The following ECPAS variants were observed in gnomAD, a reference collection of about 807,000 sequenced individuals.
The protein encoded by ECPAS is proteasome adapter and scaffold protein ECM29.
ECPAS carries 70 observed loss-of-function variants against 255.1 expected under a neutral mutation model. That is an observed-to-expected ratio of 0.27 (90% CI 0.23 to 0.33). The LOEUF is 0.33. Ranked by LOEUF, ECPAS falls within the 10% of genes least tolerant of loss-of-function variation. The pLI is 1.00. For synonymous variants in ECPAS, 784 were observed against 775.0 expected, an observed-to-expected ratio of 1.01 and a Z score of -0.19; for missense variants, 1,817 against 2,206.4, an observed-to-expected ratio of 0.82 and a Z score of 3.54.
Position 111,411,073 on chromosome 9 carries a change from T to G in ECPAS, c.2284A>C (p.Lys762Gln). The G allele has an allele frequency of 6.2e-7, 1 of 1,613,962 alleles. No homozygotes were observed. The highest frequency in any genetic ancestry group is 8.5e-7 in the Non-Finnish European group (1 of 1,179,860). Reference sequence around the variant, plus strand: ...TCTTGTTGCTCTGACATTCTCATTTTCTTTTTAGCCAAATACCTTCCCACC... The same window carrying G: ...TCTTGTTGCTCTGACATTCTCATTTGCTTTTTAGCCAAATACCTTCCCACC... ...FTVGRYLAKK[K>Q]MRMSEQQDLE... Residue 762 changes from lysine (K) to glutamine (Q), a missense_variant, in exon 22 of 50, where the codon AAA becomes CAA. Coordinates refer to ENST00000684092, the MANE Select transcript of ECPAS (RefSeq NM_001364929.1).
Position 111,378,564 on chromosome 9 carries a change from T to C in ECPAS, c.3954+16A>G. The C allele has an allele frequency of 1.2e-6, 2 of 1,608,942 alleles. No homozygotes were observed. The highest frequency in any genetic ancestry group is 1.7e-6 in the Non-Finnish European group (2 of 1,177,040). ...CCCTCATGATACTTACCAATATGCC[T>C]GCGCTATCCACTCACCTTTTCTTGC... On this transcript the variant is annotated intron_variant, in intron 36 of 49. Transcript: ENST00000684092.
intron 7 of ECPAS, among the ~76,000 whole-genome samples, chr9:111,434,895 GCTT>G (rs2098235573): frequency 1.9e-5 from 1 of 52,208 alleles, no homozygotes; most frequent in Admixed American, 1.6e-4. Flanking sequence ...ACCACATCTG[GCTT>G]TTTTTTTTTT....
intron 13 of ECPAS, among the ~76,000 whole-genome samples, chr9:111,422,582 G>A (rs978243130): frequency 2.6e-5 from 4 of 152,130 alleles, no homozygotes; most frequent in Non-Finnish European, 5.9e-5. Context: ...CTGATCTGGG[G>A]TGGCTTTCTT....
In ECPAS at chr9:111,373,316, C is replaced by T. The variant is rs947043667; in HGVS notation, c.4268G>A (p.Arg1423Gln). The T allele has an allele frequency of 1.9e-5, 31 of 1,613,294 alleles. No homozygotes were observed. Among genetic ancestry groups the T allele is most frequent in the Non-Finnish European group, 2.5e-5 (29 of 1,179,480 alleles). The change falls in exon 40 of 50, where the codon CGG (arginine) becomes CAG (glutamine). Residue 1423 changes from arginine to glutamine, a missense_variant and splice_region_variant. Transcript: ENST00000684092. ...SCAFAMGHLV[R>Q]TSRDSSTEKL... ...AACTAAGCAAGAAATTTAACTCACC[C>T]GAACTAAATGGCCCATAGCAAATGC...
At chr9:111,373,880 G>C in intron 39 of ECPAS, 92 bp downstream of exon 39, 10 of 925,586 alleles carry the variant, frequency 1.1e-5, no homozygotes, top group Non-Finnish European at 1.8e-5. Context: ...TCACAAGCAG[G>C]TCTGAATGAT....
chr9:111,436,872 G>A (rs2098238921), intron 7 of ECPAS, 68 bp downstream of exon 7: 4 of 1,317,696 alleles, frequency 3.0e-6, no homozygotes, highest in South Asian at 1.6e-5. Context: ...TGTTTTATAC[G>A]GTTCATGAAC....
chr9:111,384,618 T>A (rs2131579224), intron 33 of ECPAS, 49 bp from the exon 34 acceptor site: 2 of 1,539,184 alleles, frequency 1.3e-6, no homozygotes, highest in Middle Eastern at 1.7e-4. Flanking sequence ...AGTTTCACTA[T>A]CATCTACTCT....
At chr9:111,382,866 G>GT (rs1300741832) in intron 35 of ECPAS, among the ~76,000 whole-genome samples, 1 of 152,134 alleles carries the variant, frequency 6.6e-6, no homozygotes, top group Non-Finnish European at 1.5e-5. Flanking sequence ...ATCGTTGCAG[G>GT]TGGTAAACAG....
intron 2 of ECPAS, among the ~76,000 whole-genome samples, chr9:111,471,137 A>G (rs1201839598): frequency 6.6e-6 from 1 of 152,186 alleles, no homozygotes; most frequent in Non-Finnish European, 1.5e-5. Flanking sequence ...AATGTTCTTT[A>G]TTTAAATCAC....
intron 5 of ECPAS, 36 bp downstream of exon 5, chr9:111,442,270 T>A: frequency 1.5e-6 from 2 of 1,377,350 alleles, no homozygotes; most frequent in Non-Finnish European, 2.0e-6. Flanking sequence ...TGTTGACTCC[T>A]GTAGGAGGGA....
intron 49 of ECPAS, among the ~76,000 whole-genome samples, chr9:111,363,027 TGA>T (rs1013876756): frequency 6.6e-6 from 1 of 151,822 alleles, no homozygotes; most frequent in East Asian, 1.9e-4. Context: ...GAAAACAATT[TGA>T]GAGAGAGAGA....
intron 15 of ECPAS, among the ~76,000 whole-genome samples, chr9:111,421,449 G>A (rs2098213808): frequency 1.4e-5 from 2 of 142,068 alleles, no homozygotes; most frequent in South Asian, 4.4e-4. Flanking sequence ...GTGTGTGTGT[G>A]TATCTACAGA....
intron 1 of ECPAS, among the ~76,000 whole-genome samples, chr9:111,480,694 C>T (rs1251281949): frequency 6.6e-6 from 1 of 152,184 alleles, no homozygotes; most frequent in African/African-American, 2.4e-5. Context: ...CATGTATATG[C>T]TTTCAAGTTA....
At chr9:111,444,610 T>C in intron 3 of ECPAS, 116 bp from the exon 4 acceptor site, 1 of 681,918 alleles carries the variant, frequency 1.5e-6, no homozygotes, top group Admixed American at 2.8e-5. Context: ...CTTTGTTCTT[T>C]TAAAGGGTAT....
At chr9:111,401,633 GC>G (rs1415875961) in intron 24 of ECPAS, among the ~76,000 whole-genome samples, 4 of 152,152 alleles carry the variant, frequency 2.6e-5, no homozygotes, top group African/African-American at 9.7e-5. Context: ...GGAGACCAGG[GC>G]ATATTTCAGT....
At chr9:111,379,354 A>G (rs1372808564) in intron 35 of ECPAS, among the ~76,000 whole-genome samples, 1 of 152,258 alleles carries the variant, frequency 6.6e-6, no homozygotes, top group African/African-American at 2.4e-5. Flanking sequence ...TAGTCTATTA[A>G]GTGTGCAATA....
intron 13 of ECPAS, among the ~76,000 whole-genome samples, chr9:111,422,983 G>C (rs536060090): frequency 5.3e-5 from 8 of 152,240 alleles, no homozygotes; most frequent in Non-Finnish European, 7.4e-5. Flanking sequence ...CTCATTTCAA[G>C]ACCACCATTT....
chr9:111,395,526 ATGGACAAT>A (rs1425039949), intron 25 of ECPAS, among the ~76,000 whole-genome samples: 1 of 152,168 alleles, frequency 6.6e-6, no homozygotes, highest in Non-Finnish European at 1.5e-5. Context: ...TCAACATTTA[ATGGACAAT>A]TGGAGATTCC....
intron 38 of ECPAS, 87 bp downstream of exon 38, chr9:111,375,026 A>G: frequency 1.0e-6 from 1 of 965,128 alleles, no homozygotes; most frequent in East Asian, 2.5e-5. Context: ...TTGTGGTAAA[A>G]CATGAATTTC....
Sources: allele counts gnomAD v4.1 joint callset (sites outside exome capture counted in the v4.1 genomes callset), GRCh38; gene constraint gnomAD v4.1.1; transcripts MANE v1.5; gene names NCBI Gene and HGNC (gene_info 2026-07-23, HGNC 2026-07-21).